Variants in TSPAN5 observed in about 807,000 individuals in gnomAD.
TSPAN5 encodes the protein tetraspanin 5.
TSPAN5 carries 10 observed loss-of-function variants against 37.1 expected under a neutral mutation model. That is an observed-to-expected ratio of 0.27 (90% CI 0.17 to 0.46). The LOEUF is 0.46. TSPAN5 is among the 20% of genes least tolerant of loss of function. The pLI is 1.00. For missense variants in TSPAN5, 195 were observed against 326.6 expected (o/e 0.60, Z 3.11); for synonymous variants, 110 against 118.9 (o/e 0.93, Z 0.48).
rs1440976346 is a variant in TSPAN5, at chr4:98,471,158, T to C, written c.*1364A>G. 6.6e-6 allele frequency: 1 copy of C among 152,232 alleles called. No individual in the cohort carries two copies. The highest frequency in any genetic ancestry group is 1.5e-5 in the Non-Finnish European group (1 of 68,034). 9.4% of individuals were successfully genotyped at this position (152,232 alleles called of 1,614,324 possible). On this transcript the variant is annotated 3_prime_UTR_variant, in exon 8 of 8. Transcript: ENST00000305798. ...AAGTATTTGTGCTTTGATACCATCC[T>C]GATGGTTAGTCTGCAATAAGAGAAC... is the stretch of plus-strand genomic sequence containing the variant.
intron 1 of TSPAN5, among the ~76,000 whole-genome samples, chr4:98,610,813 G>A (rs1756167803): frequency 6.6e-6 from 1 of 152,230 alleles, no homozygotes; most frequent in Admixed American, 6.5e-5. Context: ...GAGGACTAAT[G>A]TGGTAGTCAG....
chr4:98,600,228 G>A (rs1172763944), intron 1 of TSPAN5, among the ~76,000 whole-genome samples: 1 of 152,178 alleles, frequency 6.6e-6, no homozygotes, highest in African/African-American at 2.4e-5. Flanking sequence ...GGGGGGCCTT[G>A]CCTCAATGTT....
At chr4:98,549,091 G>A (rs754285876) in intron 1 of TSPAN5, among the ~76,000 whole-genome samples, 2 of 152,076 alleles carry the variant, frequency 1.3e-5, no homozygotes, top group Non-Finnish European at 2.9e-5. Context: ...TAGATCCAAC[G>A]GTAGTTCTAT....
At chr4:98,551,418 GTT>G (rs71588957) in intron 1 of TSPAN5, among the ~76,000 whole-genome samples, 38 of 139,658 alleles carry the variant, frequency 2.7e-4, no homozygotes, top group African/African-American at 5.0e-4. Flanking sequence ...GAATCCTCTC[GTT>G]TTTTTTTTTT....
intron 1 of TSPAN5, among the ~76,000 whole-genome samples, chr4:98,543,251 C>G (rs1286164472): frequency 6.6e-6 from 1 of 152,186 alleles, no homozygotes; most frequent in Non-Finnish European, 1.5e-5. Flanking sequence ...CGTTTCAACT[C>G]TGCATGAGCC....
chr4:98,599,976 A>G (rs547299263), intron 1 of TSPAN5, among the ~76,000 whole-genome samples: 1 of 152,300 alleles, frequency 6.6e-6, no homozygotes, highest in South Asian at 2.1e-4. Flanking sequence ...CACTACAGAT[A>G]TATCTTGGAG....
chr4:98,642,697 T>A (rs114919281), intron 1 of TSPAN5, among the ~76,000 whole-genome samples: 2,013 of 152,238 alleles, frequency 0.013, 35 homozygotes, highest in African/African-American at 0.047. Flanking sequence ...CTAATGAAAC[T>A]GAAAAATTCC....
In TSPAN5 at chr4:98,482,052, G is replaced by A. The variant is rs747361837; in HGVS notation, c.403C>T (p.Arg135Trp). ...AGGTTTTGCAAATCAATGTCATCCC[G>A]ATATGCTCTGATGTTGTTGTTTATA... is the stretch of plus-strand genomic sequence containing the variant. ...FFINNNIRAY[R>W]DDIDLQNLID... The change falls in exon 4 of 8, where the codon CGG becomes TGG. Residue 135 changes from arginine to tryptophan, a missense_variant. Physicochemically the swap from Arg to Trp is moderately radical, Grantham distance 101. Coordinates refer to ENST00000305798, the MANE Select transcript of TSPAN5 (RefSeq NM_005723.4). 1.9e-6 allele frequency: 3 copies of A among 1,614,034 alleles called. No individual in the cohort carries two copies. The highest frequency in any genetic ancestry group is 2.5e-6 in the Non-Finnish European group (3 of 1,179,966).
chr4:98,476,089 A>C, intron 7 of TSPAN5, 100 bp downstream of exon 7: 1 of 865,242 alleles, frequency 1.2e-6, no homozygotes, highest in East Asian at 2.4e-5. Flanking sequence ...GTGTCTTAAA[A>C]ACTATGACAA....
intron 7 of TSPAN5, among the ~76,000 whole-genome samples, chr4:98,475,448 A>ATGG (rs1578929915): frequency 6.6e-6 from 1 of 152,204 alleles, no homozygotes; most frequent in East Asian, 1.9e-4. Context: ...GCACTTTGGC[A>ATGG]AGGTAGTTTA....
chr4:98,615,115 C>T (rs2110239541), intron 1 of TSPAN5, among the ~76,000 whole-genome samples: 1 of 152,116 alleles, frequency 6.6e-6, no homozygotes, highest in South Asian at 2.1e-4. Context: ...ACAGCCCATA[C>T]CTGTGTGGCC....
At chr4:98,643,872 T>C (rs146866022) in intron 1 of TSPAN5, among the ~76,000 whole-genome samples, 4 of 152,194 alleles carry the variant, frequency 2.6e-5, no homozygotes, top group Admixed American at 1.3e-4. Flanking sequence ...AAAAACAGAG[T>C]AGGCTTTCTC....
At chr4:98,504,770 G>A (rs1272254653) in intron 2 of TSPAN5, among the ~76,000 whole-genome samples, 1 of 152,148 alleles carries the variant, frequency 6.6e-6, no homozygotes, top group Non-Finnish European at 1.5e-5. Context: ...CAGATGAGAT[G>A]TGTGTATTCC....
intron 1 of TSPAN5, among the ~76,000 whole-genome samples, chr4:98,549,807 T>G (rs549808599): frequency 1.3e-5 from 2 of 152,064 alleles, no homozygotes; most frequent in African/African-American, 4.8e-5. Flanking sequence ...GGATGCATAC[T>G]TTGGGAATTT....
chr4:98,547,124 C>T (rs1382673460), intron 1 of TSPAN5, among the ~76,000 whole-genome samples: 2 of 152,182 alleles, frequency 1.3e-5, no homozygotes, highest in Non-Finnish European at 2.9e-5. Flanking sequence ...GGCTCCCCCT[C>T]GCTCTTCTCT....
At chr4:98,563,808 C>T (rs1172237711) in intron 1 of TSPAN5, among the ~76,000 whole-genome samples, 1 of 152,108 alleles carries the variant, frequency 6.6e-6, no homozygotes. Context: ...AGAGGACATT[C>T]GATAACATCT....
chr4:98,591,048 G>C (rs74965141), intron 1 of TSPAN5, among the ~76,000 whole-genome samples: 1,760 of 151,080 alleles, frequency 0.012, 46 homozygotes, highest in African/African-American at 0.041. Flanking sequence ...ACTTTGCCCT[G>C]CCATGCTTTT....
intron 1 of TSPAN5, among the ~76,000 whole-genome samples, chr4:98,567,273 AC>A (rs1290698688): frequency 6.6e-6 from 1 of 152,198 alleles, no homozygotes; most frequent in African/African-American, 2.4e-5. Context: ...GTAGCCTCCT[AC>A]AGTGGATAGT....
At chr4:98,616,201 A>G (rs1001169876) in intron 1 of TSPAN5, among the ~76,000 whole-genome samples, 3 of 152,012 alleles carry the variant, frequency 2.0e-5, no homozygotes, top group Non-Finnish European at 2.9e-5. Flanking sequence ...ACTCCTCAGA[A>G]CCATACCTCT....
Sources: gnomAD v4.1 joint callset for allele counts (sites outside exome capture counted in the v4.1 genomes callset) on GRCh38, gnomAD v4.1.1 for gene constraint, MANE v1.5 for transcripts, NCBI Gene and HGNC (gene_info 2026-07-23, HGNC 2026-07-21) for gene names.